CNTN2: variants seen among roughly 807,000 people sequenced by gnomAD.
CNTN2 encodes the protein contactin 2.
CNTN2 carries 53 observed loss-of-function variants against 117.5 expected under a neutral mutation model. The ratio of observed to expected loss-of-function variants is 0.45; its 90% confidence interval spans 0.36 to 0.57. The LOEUF is 0.57. Ranked by LOEUF, CNTN2 falls within the 20% of genes least tolerant of loss-of-function variation. The pLI, the probability that CNTN2 is intolerant of heterozygous loss-of-function variation, is 0.00. For missense variants in CNTN2, 1,106 were observed against 1,404.3 expected (o/e 0.79, Z 3.39); for synonymous variants, 530 against 561.7 (o/e 0.94, Z 0.80).
intron 9 of CNTN2, 168 bp from the exon 10 acceptor site, chr1:205,062,272 A>T: frequency 1.0e-6 from 1 of 991,022 alleles, no homozygotes; most frequent in Non-Finnish European, 1.5e-6. Context: ...AGGCCTGGGT[A>T]ATCTGCATCC....
Position 205,058,442 on chromosome 1 carries a change from C to A in CNTN2, c.391+86C>A. 6.5e-7 allele frequency: 1 copy of A among 1,535,556 alleles called. No homozygotes were observed. The highest frequency in any genetic ancestry group is 1.8e-5 in the Admixed American group (1 of 54,868). On this transcript the variant is annotated intron_variant, in intron 4 of 22. Transcript: ENST00000331830. The surrounding 1 kb of genome is among the most constrained non-coding windows in gnomAD (Gnocchi z 4.3). The stretch of plus-strand genomic sequence containing the variant: ...ACTGAGAAAGGATAAGGGACACCCT[C>A]AAGCCGGGCCTTCCTGACCTCACAT...
rs1205564209 is a variant in CNTN2, at chr1:205,073,279, A to C, written c.3013+43A>C. 1 of 1,598,524 alleles carries C rather than the reference A, an allele frequency of 6.3e-7. No individual in the cohort carries two copies. The highest frequency in any genetic ancestry group is 8.6e-7 in the Non-Finnish European group (1 of 1,169,346). On this transcript the variant is annotated intron_variant, in intron 22 of 22. Transcript: ENST00000331830. The surrounding 1 kb of genome is among the most constrained non-coding windows in gnomAD (Gnocchi z 6.3). ...CCCTTATCCCCTCGAGAGATTCAGG[A>C]TCCACCCAGATACCTGAGAGGATCA...
chr1:205,065,695 G>C lies in CNTN2; in HGVS notation c.1696-94G>C. 1 of 1,581,658 alleles carries C rather than the reference G, an allele frequency of 6.3e-7. No homozygotes were observed. The highest frequency in any genetic ancestry group is 8.6e-7 in the Non-Finnish European group (1 of 1,160,126). ...TGGGGTCCATGGATGTCATGGAGTAGGGGACTCCCAAGCGCTGCCTCATGT... is the reference window on the plus strand; with the variant it reads ...TGGGGTCCATGGATGTCATGGAGTACGGGACTCCCAAGCGCTGCCTCATGT... On this transcript the variant is annotated intron_variant, in intron 13 of 22. Coordinates refer to ENST00000331830, the MANE Select transcript of CNTN2 (RefSeq NM_005076.5). The surrounding 1 kb of genome is among the most constrained non-coding windows in gnomAD (Gnocchi z 4.1).
chr1:205,065,060 AC>A lies in CNTN2; in HGVS notation c.1520-24del, dbSNP rs1366953517. ...CCTGGGCCCATTTCCTCCCCCATCC[AC>A]CCAAGGGCCTTGTTTTTCTTGGCAG... On this transcript the variant is annotated intron_variant, in intron 12 of 22. Coordinates refer to ENST00000331830, the MANE Select transcript of CNTN2 (RefSeq NM_005076.5). The surrounding 1 kb of genome is among the most constrained non-coding windows in gnomAD (Gnocchi z 4.1). 3 of 1,610,804 alleles carry A rather than the reference AC, an allele frequency of 1.9e-6. No individual in the cohort carries two copies. The highest frequency in any genetic ancestry group is 2.5e-6 in the Non-Finnish European group (3 of 1,178,448).
chr1:205,064,890 C>A (rs920223492), intron 12 of CNTN2, 140 bp downstream of exon 12: 2 of 1,344,934 alleles, frequency 1.5e-6, no homozygotes, highest in Non-Finnish European at 1.0e-6. Context: ...GGGACCACCC[C>A]CTGGCCACCA....
chr1:205,059,010 C>A lies in CNTN2; in HGVS notation c.488-74C>A. 1 of 1,356,690 alleles carries A rather than the reference C, an allele frequency of 7.4e-7. No individual in the cohort carries two copies. Among genetic ancestry groups the A allele is most frequent in the Non-Finnish European group, 1.0e-6 (1 of 959,984 alleles). 84.0% of individuals were successfully genotyped at this position (1,356,690 alleles called of 1,614,324 possible). On this transcript the variant is annotated intron_variant, in intron 5 of 22. Coordinates refer to ENST00000331830, the MANE Select transcript of CNTN2 (RefSeq NM_005076.5). The surrounding 1 kb of genome is among the most constrained non-coding windows in gnomAD (Gnocchi z 5.6). The stretch of plus-strand genomic sequence containing the variant: ...GACAGGGCTTGCAGAACCGCACCAG[C>A]ATGCTGGGGTCCCACCCAGAGTGGC...
chr1:205,062,670 G>A, intron 10 of CNTN2, 101 bp downstream of exon 10: 2 of 1,353,112 alleles, frequency 1.5e-6, no homozygotes, highest in Non-Finnish European at 2.0e-6. Context: ...CACATACCCT[G>A]TGGCCATTTT....
intron 18 of CNTN2, 137 bp downstream of exon 18, chr1:205,070,198 T>C: frequency 2.3e-6 from 2 of 856,896 alleles, no homozygotes; most frequent in Non-Finnish European, 3.7e-6. Context: ...TCCACATCAT[T>C]GGCCTCACTT....
At position 205,059,689 on chromosome 1, in the gene CNTN2, G is replaced by T. The variant is rs939462913; in HGVS notation, c.797+7G>T. On this transcript the variant is annotated splice_region_variant and intron_variant, in intron 7 of 22. Coordinates refer to ENST00000331830, the MANE Select transcript of CNTN2 (RefSeq NM_005076.5). This position sits in a 1 kb window ranked among gnomAD's most constrained non-coding sequence, Gnocchi z 5.6. ...AGTGCTTCGCCTTTGGGAAGTGAGTGTGAAGAGGGAGGGGAAGCAGAGCAC... is the reference window on the plus strand; with the variant it reads ...AGTGCTTCGCCTTTGGGAAGTGAGTTTGAAGAGGGAGGGGAAGCAGAGCAC... 7 of 1,608,308 alleles carry T rather than the reference G, an allele frequency of 4.4e-6. No individual in the cohort carries two copies. Among genetic ancestry groups the T allele is most frequent in the Non-Finnish European group, 5.9e-6 (7 of 1,177,674 alleles).
At position 205,074,543 on chromosome 1, in the gene CNTN2, T is replaced by C. The variant is rs1654764927; in HGVS notation, c.*778T>C. 2.5e-6 allele frequency: 1 copy of C among 398,166 alleles called. No homozygotes were observed. Among genetic ancestry groups the C allele is most frequent in the African/African-American group, 2.1e-5 (1 of 48,604 alleles). The allele number at this position is 398,166 out of a possible 1,614,324, so 24.7% of individuals were successfully genotyped here. A position where few individuals can be genotyped will look rare whatever the true frequency, so the allele number is the denominator to read the frequency against. On this transcript the variant is annotated 3_prime_UTR_variant, in exon 23 of 23. Transcript: ENST00000331830. ...AGCCAACACTGCCAACCTGACCCTG[T>C]CATCCCGATTGACAGCGCCACTTCA...
Position 205,065,160 on chromosome 1 carries a change from T to C in CNTN2, c.1593T>C (p.His531=). 6.2e-7 allele frequency: 1 copy of C among 1,614,144 alleles called. No individual in the cohort carries two copies. Among genetic ancestry groups the C allele is most frequent in the South Asian group, 1.1e-5 (1 of 91,082 alleles). ...NLGDNLTLQC[H]ASHDPTMDLT... ...GTGACAACCTGACCCTACAGTGCCA[T>C]GCCTCCCACGACCCCACCATGGACC... The change falls in exon 13 of 23, where the codon CAT becomes CAC. Residue 531 remains histidine, a synonymous_variant. Coordinates refer to ENST00000331830, the MANE Select transcript of CNTN2 (RefSeq NM_005076.5). This position sits in a 1 kb window ranked among gnomAD's most constrained non-coding sequence, Gnocchi z 4.1.
chr1:205,064,075 G>A (rs1177309715), intron 10 of CNTN2, among the ~76,000 whole-genome samples: 1 of 139,952 alleles, frequency 7.1e-6, no homozygotes, highest in Non-Finnish European at 1.6e-5. Context: ...GAAGGAAGGT[G>A]CAGAAACAGG....
At chr1:205,049,392 T>C (rs1203336329) in intron 1 of CNTN2, among the ~76,000 whole-genome samples, 1 of 151,328 alleles carries the variant, frequency 6.6e-6, no homozygotes, top group Non-Finnish European at 1.5e-5. Context: ...CATATACACA[T>C]ATATACATAT....
chr1:205,065,821 C>A lies in CNTN2; in HGVS notation c.1728C>A (p.Asn576Lys). ...CCATTGGGGATCTGACCATCCTGAA[C>A]GCCCAGCTGCGCCATGGGGGGAAGT... Reference protein sequence around the residue: ...KETIGDLTILNAQLRHGGKYT... With the variant: ...KETIGDLTILKAQLRHGGKYT... The change falls in exon 14 of 23, where the codon AAC becomes AAA. Residue 576 changes from asparagine (N) to lysine (K), a missense_variant. Asn to Lys is a moderately conservative substitution (Grantham distance 94). Transcript: ENST00000331830. This position sits in a 1 kb window ranked among gnomAD's most constrained non-coding sequence, Gnocchi z 4.1. The A allele has an allele frequency of 2.5e-6, 4 of 1,586,404 alleles. No homozygotes were observed. Among genetic ancestry groups the A allele is most frequent in the South Asian group, 2.2e-5 (2 of 90,496 alleles).
At position 205,062,589 on chromosome 1, in the gene CNTN2, A is replaced by C. The variant is rs1654051610; in HGVS notation, c.1240+20A>C. The C allele has an allele frequency of 1.9e-6, 3 of 1,606,964 alleles. No individual in the cohort carries two copies. In the South Asian group the frequency reaches 3.3e-5, roughly 18 times the overall value. On this transcript the variant is annotated intron_variant, in intron 10 of 22. Transcript: ENST00000331830. ...TGCAAGGTAAGGGGCCCAGGGAGGC[A>C]GGGGACATCCCAAGGACATGCATAT...
In CNTN2 at chr1:205,058,343, C is replaced by T; in HGVS notation, c.378C>T (p.Ile126=). ...GCACCGTTGTCAGCAGGGAGGCCAT[C>T]CTCCGCTTCGGCTGTGAGACCCGCG... ...PVGTVVSREA[I]LRFGFLQEFS... Residue 126 remains isoleucine, a synonymous_variant, in exon 4 of 23, where the codon ATC becomes ATT. Coordinates refer to ENST00000331830, the MANE Select transcript of CNTN2 (RefSeq NM_005076.5). The surrounding 1 kb of genome is among the most constrained non-coding windows in gnomAD (Gnocchi z 4.3). 1 of 1,526,560 alleles carries T rather than the reference C, an allele frequency of 6.6e-7. No homozygotes were observed. Among genetic ancestry groups the T allele is most frequent in the East Asian group, 2.3e-5 (1 of 43,980 alleles). 94.6% of individuals were successfully genotyped at this position (1,526,560 alleles called of 1,614,324 possible).
rs147693556 is a variant in CNTN2, at chr1:205,064,636, C to A, written c.1405C>A (p.Pro469Thr). The part of the protein sequence containing the change: ...LVNSSRVTVT[P>T]DGTLIIRNIS... The stretch of plus-strand genomic sequence containing the variant: ...TCCTTGCCACAGAGTGACTGTAACT[C>A]CAGATGGCACCTTGATCATAAGAAA... The change falls in exon 12 of 23, where the codon CCA (proline) becomes ACA (threonine). Residue 469 changes from proline to threonine, a missense_variant. Transcript: ENST00000331830. 3,361 of 1,614,168 alleles carry A rather than the reference C, an allele frequency of 2.1e-3. 11 individuals carry two copies. The highest frequency in any genetic ancestry group is 6.8e-3 in the Middle Eastern group (41 of 6,062).
chr1:205,059,862 A>G lies in CNTN2; in HGVS notation c.797+180A>G, dbSNP rs1390305050. The G allele has an allele frequency of 1.7e-6, 1 of 598,142 alleles. No homozygotes were observed. Among genetic ancestry groups the G allele is most frequent in the African/African-American group, 1.9e-5 (1 of 53,792 alleles). The allele number at this position is 598,142 out of a possible 1,614,324, so 37.1% of individuals were successfully genotyped here. A position where few individuals can be genotyped will look rare whatever the true frequency, so the allele number is the denominator to read the frequency against. On this transcript the variant is annotated intron_variant, in intron 7 of 22. Coordinates refer to ENST00000331830, the MANE Select transcript of CNTN2 (RefSeq NM_005076.5). The surrounding 1 kb of genome is among the most constrained non-coding windows in gnomAD (Gnocchi z 5.6). The stretch of plus-strand genomic sequence containing the variant: ...TGGACAGTACCTCTCTGGGTGAGGC[A>G]TCGCATATGCCAGGGGCCTTCCATG...
Position 205,073,515 on chromosome 1 carries a change from G to A in CNTN2, c.3014-141G>A, listed in dbSNP as rs748254861. The A allele has an allele frequency of 8.7e-5, 69 of 792,036 alleles. No individual in the cohort carries two copies. The highest frequency in any genetic ancestry group is 1.1e-4 in the Non-Finnish European group (55 of 488,024). The allele number at this position is 792,036 out of a possible 1,614,324, so 49.1% of individuals were successfully genotyped here. A position where few individuals can be genotyped will look rare whatever the true frequency, so the allele number is the denominator to read the frequency against. ...CGGCCTACAAAGCACCGTAGGAGTC[G>A]GACTGAGAAGACCACCCAGCCGTCC... On this transcript the variant is annotated intron_variant, in intron 22 of 22. Coordinates refer to ENST00000331830, the MANE Select transcript of CNTN2 (RefSeq NM_005076.5). The surrounding 1 kb of genome is among the most constrained non-coding windows in gnomAD (Gnocchi z 6.3).
Sources: allele counts gnomAD v4.1 joint callset (sites outside exome capture counted in the v4.1 genomes callset), GRCh38; gene constraint gnomAD v4.1.1; non-coding constraint Gnocchi (gnomAD v3.1); transcripts MANE v1.5; gene names NCBI Gene and HGNC (gene_info 2026-07-23, HGNC 2026-07-21).